Variants in BMP5 observed in about 807,000 individuals in gnomAD.
The protein encoded by BMP5 is bone morphogenetic protein 5.
BMP5 carries 23 observed loss-of-function variants against 46.6 expected under a neutral mutation model. The observed-to-expected ratio is 0.49, with a 90% CI of 0.35 to 0.70. BMP5 has a LOEUF of 0.70. BMP5 is among the 30% of genes least tolerant of loss of function. The pLI, the probability that BMP5 is intolerant of heterozygous loss-of-function variation, is 0.00. For missense variants in BMP5, 545 were observed against 565.6 expected, an observed-to-expected ratio of 0.96 and a Z score of 0.37; for synonymous variants, 204 against 191.9, an observed-to-expected ratio of 1.06 and a Z score of -0.52.
chr6:55,813,599 C>T (rs1446854655), intron 2 of BMP5, among the ~76,000 whole-genome samples: 2 of 151,840 alleles, frequency 1.3e-5, no homozygotes, highest in Non-Finnish European at 2.9e-5. Context: ...ACCATCCTGG[C>T]TAACGGTGAA....
intron 1 of BMP5, among the ~76,000 whole-genome samples, chr6:55,838,418 C>A (rs1191775852): frequency 6.6e-6 from 1 of 152,160 alleles, no homozygotes; most frequent in East Asian, 1.9e-4. Flanking sequence ...TTTTCATATA[C>A]CTGTTTGCCA....
intron 3 of BMP5, 71 bp downstream of exon 3, chr6:55,794,208 C>T (rs779149156): frequency 8.5e-6 from 13 of 1,526,360 alleles, no homozygotes; most frequent in Non-Finnish European, 1.2e-5. Context: ...TTGGTTATAT[C>T]ACATAAAAAA....
chr6:55,788,560 T>G (rs1408951969), intron 3 of BMP5, among the ~76,000 whole-genome samples: 1 of 151,772 alleles, frequency 6.6e-6, no homozygotes, highest in Non-Finnish European at 1.5e-5. Flanking sequence ...GTTAAAGGAG[T>G]GATAACCAGA....
chr6:55,796,487 T>G (rs889140781), intron 2 of BMP5, among the ~76,000 whole-genome samples: 5 of 151,862 alleles, frequency 3.3e-5, no homozygotes, highest in Non-Finnish European at 7.4e-5. Flanking sequence ...CTTATGGAAT[T>G]TGTATTTTTT....
At chr6:55,858,005 T>C (rs1777440051) in intron 1 of BMP5, among the ~76,000 whole-genome samples, 1 of 152,230 alleles carries the variant, frequency 6.6e-6, no homozygotes, top group African/African-American at 2.4e-5. Flanking sequence ...CCCAAAGTGC[T>C]GGGATGACAG....
intron 2 of BMP5, among the ~76,000 whole-genome samples, chr6:55,814,298 T>C (rs1031653602): frequency 1.3e-5 from 2 of 152,282 alleles, no homozygotes; most frequent in African/African-American, 4.8e-5. Flanking sequence ...TTTTTTGCCA[T>C]TATGTATATA....
intron 4 of BMP5, among the ~76,000 whole-genome samples, chr6:55,761,521 G>T (rs1348812046): frequency 6.6e-6 from 1 of 151,798 alleles, no homozygotes; most frequent in Non-Finnish European, 1.5e-5. Context: ...CCTTCACCTT[G>T]CTCCAGCCAC....
chr6:55,776,884 G>A (rs2127522359), intron 3 of BMP5, among the ~76,000 whole-genome samples: 1 of 151,972 alleles, frequency 6.6e-6, no homozygotes, highest in Admixed American at 6.6e-5. Context: ...AAATAATACG[G>A]ATCTGAAGAT....
intron 1 of BMP5, among the ~76,000 whole-genome samples, chr6:55,832,391 C>T (rs1323712435): frequency 1.3e-5 from 2 of 152,264 alleles, no homozygotes; most frequent in East Asian, 3.9e-4. Flanking sequence ...CCCAAATCCC[C>T]AGGACAATAC....
At chr6:55,771,700 TG>T (rs1199211019) in intron 4 of BMP5, among the ~76,000 whole-genome samples, 1 of 151,768 alleles carries the variant, frequency 6.6e-6, no homozygotes, top group African/African-American at 2.4e-5. Context: ...TTAATTCTTC[TG>T]TACTAATGGA....
chr6:55,766,843 C>T (rs1774927780), intron 4 of BMP5, among the ~76,000 whole-genome samples: 1 of 151,880 alleles, frequency 6.6e-6, no homozygotes, highest in African/African-American at 2.4e-5. Flanking sequence ...AACTGTAGAG[C>T]CATTTCATTT....
intron 1 of BMP5, among the ~76,000 whole-genome samples, chr6:55,856,131 A>G (rs1777390872): frequency 1.3e-5 from 2 of 152,232 alleles, no homozygotes; most frequent in Non-Finnish European, 2.9e-5. Context: ...TACAAATGAA[A>G]TTAGACAATA....
chr6:55,796,609 C>T (rs1445507524), intron 2 of BMP5, among the ~76,000 whole-genome samples: 1 of 151,508 alleles, frequency 6.6e-6, no homozygotes, highest in Non-Finnish European at 1.5e-5. Context: ...ACCAACTCGT[C>T]ATCTAGCATT....
At chr6:55,823,792 T>C (rs1776464917) in intron 1 of BMP5, among the ~76,000 whole-genome samples, 1 of 152,008 alleles carries the variant, frequency 6.6e-6, no homozygotes, top group Admixed American at 6.6e-5. Context: ...ACTCAGTTCA[T>C]TCTTTTAGAA....
chr6:55,872,043 CTAA>C (rs1215679131), intron 1 of BMP5, among the ~76,000 whole-genome samples: 1 of 151,778 alleles, frequency 6.6e-6, no homozygotes, highest in Non-Finnish European at 1.5e-5. Flanking sequence ...CTTATTGCAG[CTAA>C]TAATGTTATT....
chr6:55,866,672 T>C (rs1777647438), intron 1 of BMP5, among the ~76,000 whole-genome samples: 1 of 152,202 alleles, frequency 6.6e-6, no homozygotes, highest in African/African-American at 2.4e-5. Flanking sequence ...CAGTTCATAT[T>C]GTGATCTGAA....
intron 6 of BMP5, among the ~76,000 whole-genome samples, chr6:55,756,983 AC>A (rs1015541197): frequency 1.3e-5 from 2 of 151,850 alleles, no homozygotes; most frequent in Non-Finnish European, 1.5e-5. Flanking sequence ...CGTGCACAAC[AC>A]CAGGGAAAAA....
At chr6:55,821,085 T>A (rs996978082) in intron 1 of BMP5, among the ~76,000 whole-genome samples, 3 of 152,096 alleles carry the variant, frequency 2.0e-5, no homozygotes, top group Non-Finnish European at 4.4e-5. Context: ...AAACTTAGGA[T>A]CCTAAGCTAG....
chr6:55,766,331 A>C (rs563761712), intron 4 of BMP5, among the ~76,000 whole-genome samples: 8 of 151,866 alleles, frequency 5.3e-5, no homozygotes, highest in African/African-American at 1.5e-4. Context: ...AGGAGGCTCC[A>C]TCTTATATTT....
Sources: allele counts gnomAD v4.1 joint callset (sites outside exome capture counted in the v4.1 genomes callset), GRCh38; gene constraint gnomAD v4.1.1; transcripts MANE v1.5; gene names NCBI Gene and HGNC (gene_info 2026-07-23, HGNC 2026-07-21).